Variants in CHODL observed in about 807,000 individuals in gnomAD.
CHODL encodes the protein chondrolectin, also known as transmembrane protein MT75.
Under a neutral mutation model 34.5 loss-of-function variants are expected in CHODL, and 29 were observed. The ratio of observed to expected loss-of-function variants is 0.84; its 90% confidence interval spans 0.63 to 1.15. The LOEUF is 1.15. CHODL is among the 50% of genes most tolerant of loss of function. CHODL has a pLI of 0.00. For missense variants in CHODL, 332 were observed against 332.5 expected (o/e 1.00, Z 0.01); for synonymous variants, 125 against 116.1 (o/e 1.08, Z -0.49).
intron 2 of CHODL, among the ~76,000 whole-genome samples, chr21:18,108,852 T>TGTG (rs2065310297): frequency 6.6e-6 from 1 of 151,852 alleles, no homozygotes; most frequent in Admixed American, 6.6e-5. Flanking sequence ...TGTGTGTGTG[T>TGTG]GTGTGTGTGT....
rs2073602295 is a variant in CHODL at position 18,197,437 on chromosome 21, CCT to C, written c.-44-59071_-44-59070del. ...ACCAACCTGGCCAACATGGTGAAACCCTGTCTCTACCAAAAAATACAAAAGAT... is the reference window on the plus strand; with the variant it reads ...ACCAACCTGGCCAACATGGTGAAACCGTCTCTACCAAAAAATACAAAAGAT... On this transcript the variant is annotated intron_variant, in intron 2 of 6. Coordinates refer to the CHODL transcript ENST00000400127. 2.6e-5 allele frequency among the ~76,000 whole-genome samples: 4 copies of C among 152,132 alleles called. No individual in the cohort carries two copies. The South Asian group carries it at 8.3e-4, about 32-fold the overall frequency.
intron 1 of CHODL, among the ~76,000 whole-genome samples, chr21:17,946,279 T>C (rs547433116): frequency 4.6e-5 from 7 of 151,962 alleles, no homozygotes; most frequent in South Asian, 4.2e-4. Context: ...ATTAGCCAGG[T>C]GTGGTGGCGG....
intron 1 of CHODL, among the ~76,000 whole-genome samples, chr21:18,015,438 C>T (rs887304248): frequency 2.0e-5 from 3 of 152,138 alleles, no homozygotes; most frequent in Admixed American, 1.3e-4. Flanking sequence ...AATTAGACCT[C>T]TTGTCTTCAT....
intron 1 of CHODL, among the ~76,000 whole-genome samples, chr21:17,944,286 T>A (rs1048748692): frequency 6.6e-6 from 1 of 151,994 alleles, no homozygotes; most frequent in Non-Finnish European, 1.5e-5. Flanking sequence ...TCAGAAAAGT[T>A]AAGTGGCTCT....
chr21:17,941,737 C>T (rs569676587), intron 1 of CHODL, among the ~76,000 whole-genome samples: 1 of 152,210 alleles, frequency 6.6e-6, no homozygotes, highest in East Asian at 1.9e-4. Flanking sequence ...GCTACTATAA[C>T]AAAATACCAT....
intron 2 of CHODL, among the ~76,000 whole-genome samples, chr21:18,122,559 T>TC (rs397785538): frequency 4.6e-5 from 7 of 151,988 alleles, no homozygotes; most frequent in African/African-American, 1.7e-4. Context: ...TTTTTTTTTT[T>TC]ACTATTTTAA....
chr21:18,262,717 A>G, intron 4 of CHODL, 74 bp from the exon 5 acceptor site: 1 of 843,864 alleles, frequency 1.2e-6, no homozygotes, highest in Non-Finnish European at 1.9e-6. Context: ...AATTTTTTGA[A>G]ACATTCTTAC....
At chr21:18,264,521 G>C (rs2074424633) in intron 5 of CHODL, among the ~76,000 whole-genome samples, 1 of 149,168 alleles carries the variant, frequency 6.7e-6, no homozygotes, top group Non-Finnish European at 1.5e-5. Flanking sequence ...AGAATTGCTT[G>C]AACCGGGGAG....
intron 2 of CHODL, among the ~76,000 whole-genome samples, chr21:18,065,105 C>T (rs2064715411): frequency 2.0e-5 from 3 of 152,304 alleles, no homozygotes; most frequent in Admixed American, 6.5e-5. Context: ...TGCTTGTACA[C>T]ACTAATAGTT....
chr21:18,100,761 T>C (rs2065203270), intron 2 of CHODL, among the ~76,000 whole-genome samples: 1 of 152,140 alleles, frequency 6.6e-6, no homozygotes, highest in African/African-American at 2.4e-5. Flanking sequence ...TTTATTAAGA[T>C]TTTTGCTTAA....
chr21:18,192,093 A>G (rs1262629587), intron 2 of CHODL, among the ~76,000 whole-genome samples: 1 of 152,180 alleles, frequency 6.6e-6, no homozygotes, highest in Non-Finnish European at 1.5e-5. Flanking sequence ...GAAGAACTAC[A>G]TAACATTGAA....
chr21:18,070,025 T>G (rs112616259), intron 2 of CHODL, among the ~76,000 whole-genome samples: 1 of 29,090 alleles, frequency 3.4e-5, no homozygotes, highest in African/African-American at 8.2e-5. Flanking sequence ...TTCCCTTCCC[T>G]CCCCCCCCCC....
intron 2 of CHODL, among the ~76,000 whole-genome samples, chr21:18,106,501 C>CTTTTTCT (rs536634277): frequency 9.1e-4 from 121 of 133,248 alleles, no homozygotes; most frequent in Middle Eastern, 7.5e-3. Flanking sequence ...TTTTCTTTTT[C>CTTTTTCT]TTTTTTTTTT....
At chr21:18,189,250 T>C (rs895379761) in intron 2 of CHODL, among the ~76,000 whole-genome samples, 1 of 152,214 alleles carries the variant, frequency 6.6e-6, no homozygotes. Flanking sequence ...TTTACATTTA[T>C]AAAGTTTTGT....
upstream of CHODL, among the ~76,000 whole-genome samples, chr21:18,244,104 G>A (rs186804150): frequency 2.8e-3 from 423 of 152,308 alleles, 2 homozygotes; most frequent in African/African-American, 9.8e-3. Flanking sequence ...TATGAAAAAT[G>A]CAGGTTTTCC....
chr21:18,201,982 T>G (rs1024603139), intron 2 of CHODL, among the ~76,000 whole-genome samples: 9 of 151,746 alleles, frequency 5.9e-5, no homozygotes, highest in Non-Finnish European at 8.8e-5. Context: ...TTTTTTGTAT[T>G]TTTTAGTAGA....
chr21:18,140,122 A>G (rs1299127671), intron 2 of CHODL, among the ~76,000 whole-genome samples: 1 of 152,174 alleles, frequency 6.6e-6, no homozygotes, highest in African/African-American at 2.4e-5. Flanking sequence ...CTAGATTTCT[A>G]GGAAGAGAAC....
intron 1 of CHODL, among the ~76,000 whole-genome samples, chr21:18,013,745 C>T (rs983052950): frequency 4.7e-5 from 7 of 149,220 alleles, no homozygotes; most frequent in Non-Finnish European, 7.4e-5. Context: ...AGCAATTCTC[C>T]TCTCTCAGCC....
intron 2 of CHODL, among the ~76,000 whole-genome samples, chr21:18,098,418 C>CA (rs1197731388): frequency 1.3e-5 from 2 of 151,424 alleles, no homozygotes; most frequent in Non-Finnish European, 3.0e-5. Context: ...AGAAATTTTT[C>CA]AAAAAAAGAC....
Sources: allele counts gnomAD v4.1 joint callset (sites outside exome capture counted in the v4.1 genomes callset), GRCh38; gene constraint gnomAD v4.1.1; transcripts MANE v1.5; gene names NCBI Gene and HGNC (gene_info 2026-07-23, HGNC 2026-07-21).